The following WDR1 variants were observed in gnomAD, a reference collection of about 807,000 sequenced individuals.
The protein encoded by WDR1 is WD repeat-containing protein 1.
Under a neutral mutation model 71.9 loss-of-function variants are expected in WDR1, and 21 were observed. The observed-to-expected ratio is 0.29, with a 90% CI of 0.21 to 0.42. WDR1 has a LOEUF of 0.42. WDR1 is among the 10% of genes least tolerant of loss of function. The probability of loss-of-function intolerance (pLI) is 1.00; values close to 1 mark genes in which losing one functional copy is unlikely to be tolerated. For missense variants in WDR1, 696 were observed against 824.5 expected (o/e 0.84, Z 1.91); for synonymous variants, 424 against 347.4 (o/e 1.22, Z -2.45).
At chr4:10,089,000 C>A (rs1711788386) in intron 5 of WDR1, among the ~76,000 whole-genome samples, 1 of 152,204 alleles carries the variant, frequency 6.6e-6, no homozygotes, top group South Asian at 2.1e-4. Flanking sequence ...CAGACCACCT[C>A]CAGTTATGCC....
chr4:10,097,870 C>G lies in WDR1; in HGVS notation c.399G>C (p.Trp133Cys), dbSNP rs1712445496. 9 of 1,605,308 alleles carry G rather than the reference C, an allele frequency of 5.6e-6. No individual in the cohort carries two copies. Among genetic ancestry groups the G allele is most frequent in the Non-Finnish European group, 7.7e-6 (9 of 1,175,412 alleles). The change falls in exon 5 of 15, where the codon TGG becomes TGC. Residue 133 changes from tryptophan to cysteine, a missense_variant. Coordinates refer to ENST00000499869, the MANE Select transcript of WDR1 (RefSeq NM_017491.5). ...GREKFGAVFLWDSGSSVGEIT... is the reference protein window; with the variant it reads ...GREKFGAVFLCDSGSSVGEIT... ...TCTCGCCCACAGAAGAGCCACTATC[C>G]CAGAGGAAGACTGCTCCAAACCTTG...
At chr4:10,113,680 G>C (rs1006638462) in intron 2 of WDR1, among the ~76,000 whole-genome samples, 1 of 152,268 alleles carries the variant, frequency 6.6e-6, no homozygotes, top group Admixed American at 6.5e-5. Flanking sequence ...GGTGGGGGAA[G>C]ATAGCTTAGT....
intron 2 of WDR1, among the ~76,000 whole-genome samples, 154 bp from the exon 3 acceptor site, chr4:10,104,140 G>GT (rs757350866): frequency 1.3e-5 from 2 of 152,200 alleles, no homozygotes; most frequent in Non-Finnish European, 2.9e-5. Flanking sequence ...ACTTGCCTAC[G>GT]TATCTACTGC....
At chr4:10,092,789 A>G (rs1279155724) in intron 5 of WDR1, 4 of 313,704 alleles carry the variant, frequency 1.3e-5, no homozygotes, top group African/African-American at 8.7e-5. Flanking sequence ...GGATTGGGGA[A>G]CCTCCCGGGG....
chr4:10,078,644 C>T, intron 12 of WDR1: 1 of 438,940 alleles, frequency 2.3e-6, no homozygotes, highest in Non-Finnish European at 4.1e-6. Context: ...TCACTGTCCA[C>T]AGTCTTGTGG....
chr4:10,113,455 A>G (rs1418954641), intron 2 of WDR1, among the ~76,000 whole-genome samples: 1 of 152,226 alleles, frequency 6.6e-6, no homozygotes, highest in Non-Finnish European at 1.5e-5. Context: ...AGGTACCAAG[A>G]CAGATGTGTG....
At chr4:10,099,844 CG>C (rs1560540972) in intron 3 of WDR1, among the ~76,000 whole-genome samples, 3 of 152,206 alleles carry the variant, frequency 2.0e-5, no homozygotes, top group African/African-American at 7.2e-5. Flanking sequence ...GTGGGTGTTG[CG>C]GGGGAAGGAG....
intron 10 of WDR1, 50 bp from the exon 11 acceptor site, chr4:10,081,494 G>A (rs1329767101): frequency 3.2e-6 from 5 of 1,561,026 alleles, no homozygotes; most frequent in Non-Finnish European, 4.4e-6. Context: ...GCAGCTCAGG[G>A]TAGGTATGCA....
rs769237663 is a variant in WDR1 at position 10,092,871 on chromosome 4, C to T, written c.559-4130G>A. 280 of 404,904 alleles carry T rather than the reference C, an allele frequency of 6.9e-4. 1 individual carries two copies. Among genetic ancestry groups the T allele is most frequent in the Admixed American group, 1.2e-3 (45 of 36,362 alleles). The allele number at this position is 404,904 out of a possible 1,614,324, so 25.1% of individuals were successfully genotyped here. ...CCTCTGCCCCACCCCAGCCAACCAG[C>T]GGGGCTGCAGCAGTCTCAGTCCAGC... On this transcript the variant is annotated intron_variant, in intron 5 of 14. Coordinates refer to ENST00000499869, the MANE Select transcript of WDR1 (RefSeq NM_017491.5).
chr4:10,078,279 G>A (rs1764877146), intron 12 of WDR1, among the ~76,000 whole-genome samples: 1 of 152,198 alleles, frequency 6.6e-6, no homozygotes, highest in African/African-American at 2.4e-5. Flanking sequence ...CCTGCTGCAG[G>A]ACTGGGTTAT....
chr4:10,097,480 G>A (rs1712413854), intron 5 of WDR1, among the ~76,000 whole-genome samples: 2 of 152,226 alleles, frequency 1.3e-5, no homozygotes, highest in Non-Finnish European at 1.5e-5. Context: ...ATCATCCTAG[G>A]GCAGGGCCCT....
intron 2 of WDR1, among the ~76,000 whole-genome samples, chr4:10,113,745 G>C (rs1713534703): frequency 6.6e-6 from 1 of 152,264 alleles, no homozygotes. Context: ...AAGATACTTT[G>C]AATGTGGAGT....
intron 3 of WDR1, among the ~76,000 whole-genome samples, chr4:10,100,400 C>A (rs1192843507): frequency 2.6e-5 from 4 of 152,156 alleles, no homozygotes; most frequent in Non-Finnish European, 5.9e-5. Context: ...GCGAAGTCTC[C>A]AACTAGTCTT....
chr4:10,110,349 C>T (rs555622308), intron 2 of WDR1, among the ~76,000 whole-genome samples: 1 of 152,206 alleles, frequency 6.6e-6, no homozygotes, highest in African/African-American at 2.4e-5. Flanking sequence ...TCTCCAACTA[C>T]TCTTGGGCAA....
Position 10,075,735 on chromosome 4 carries a change from C to T in WDR1, c.1715-251G>A, listed in dbSNP as rs937080490. 6 of 559,488 alleles carry T rather than the reference C, an allele frequency of 1.1e-5. No individual in the cohort carries two copies. The African/African-American group carries it at 1.1e-4, about 11-fold the overall frequency. The allele number at this position is 559,488 out of a possible 1,614,324, so 34.7% of individuals were successfully genotyped here. On this transcript the variant is annotated intron_variant, in intron 14 of 14. Coordinates refer to ENST00000499869, the MANE Select transcript of WDR1 (RefSeq NM_017491.5). The stretch of plus-strand genomic sequence containing the variant: ...GTAATTAGCAGCATCCCTGGCTCCA[C>T]CTACAGATGCCAGTGGCTCCCTCTC...
chr4:10,085,114 C>T (rs1337197412), intron 8 of WDR1, among the ~76,000 whole-genome samples: 1 of 152,230 alleles, frequency 6.6e-6, no homozygotes, highest in Non-Finnish European at 1.5e-5. Context: ...GGCTGGTCCA[C>T]AACCAGACAG....
At chr4:10,087,549 G>A (rs1018629634) in intron 8 of WDR1, among the ~76,000 whole-genome samples, 158 bp downstream of exon 8, 4 of 152,240 alleles carry the variant, frequency 2.6e-5, no homozygotes, top group African/African-American at 9.6e-5. Context: ...AAAGCAACCA[G>A]CATCCCAGCC....
chr4:10,116,771 G>A lies in WDR1; in HGVS notation c.-105C>T, dbSNP rs530342545. 243 of 1,216,558 alleles carry A rather than the reference G, an allele frequency of 2.0e-4. No homozygotes were observed. The African/African-American group carries it at 3.4e-3, about 17-fold the overall frequency. The allele number at this position is 1,216,558 out of a possible 1,614,324, so 75.4% of individuals were successfully genotyped here. A position where few individuals can be genotyped will look rare whatever the true frequency, so the allele number is the denominator to read the frequency against. The stretch of plus-strand genomic sequence containing the variant: ...CCGAGCCCGGGGACTGGAGCCGGAA[G>A]GCGGCACCGGGCGTGCCGGGAGTGG... On this transcript the variant is annotated 5_prime_UTR_variant, in exon 1 of 15. Coordinates refer to ENST00000499869, the MANE Select transcript of WDR1 (RefSeq NM_017491.5).
At chr4:10,088,603 A>G in intron 6 of WDR1, 61 bp downstream of exon 6, 1 of 1,428,214 alleles carries the variant, frequency 7.0e-7, no homozygotes, top group Non-Finnish European at 9.7e-7. Flanking sequence ...TGCGGCTCTG[A>G]GCAGTCACGG....
Sources: gnomAD v4.1 joint callset for allele counts (sites outside exome capture counted in the v4.1 genomes callset) on GRCh38, gnomAD v4.1.1 for gene constraint, MANE v1.5 for transcripts, NCBI Gene and HGNC (gene_info 2026-07-23, HGNC 2026-07-21) for gene names.